SPECC1: variants seen among roughly 807,000 people sequenced by gnomAD.
SPECC1 encodes the protein cytospin-B.
In SPECC1, 62 loss-of-function variants were observed where a neutral mutation model predicts 104.1. The ratio of observed to expected loss-of-function variants is 0.60; its 90% CI spans 0.49 to 0.74. SPECC1 has a LOEUF of 0.74. Among genes scored for constraint, SPECC1 ranks in the 30% least tolerant of loss-of-function variants. The pLI, the probability that SPECC1 is intolerant of heterozygous loss-of-function variation, is 0.00. For synonymous variants in SPECC1, 513 were observed against 501.6 expected (o/e 1.02, Z -0.30); for missense variants, 1,306 against 1,310.5 (o/e 1.00, Z 0.05).
Position 20,205,329 on chromosome 17 carries a change from A to G in SPECC1, c.1280A>G (p.His427Arg). The change falls in exon 4 of 15, where the codon CAT becomes CGT. Residue 427 changes from histidine (H) to arginine (R), a missense_variant. By Grantham distance (29) the His-to-Arg change is conservative. Transcript: ENST00000395527. Reference sequence around the variant, plus strand: ...AAGACGATTTTAGAGACATCCTTTCATCAGCATCGAGAGAGGGCAGAGCAG... The same window carrying G: ...AAGACGATTTTAGAGACATCCTTTCGTCAGCATCGAGAGAGGGCAGAGCAG... ...DEKTILETSF[H>R]QHRERAEQLS... The G allele has an allele frequency of 1.2e-6, 2 of 1,614,256 alleles. No individual in the cohort carries two copies. The highest frequency in any genetic ancestry group is 1.7e-6 in the Non-Finnish European group (2 of 1,180,048).
chr17:20,131,418 A>G (rs969110715), intron 3 of SPECC1, among the ~76,000 whole-genome samples: 3 of 151,916 alleles, frequency 2.0e-5, no homozygotes, highest in Admixed American at 6.6e-5. Context: ...ACCTCAAGTG[A>G]TCCACCCACC....
chr17:20,227,294 A>G (rs1598030902), intron 4 of SPECC1, 119 bp from the exon 5 acceptor site: 1 of 797,872 alleles, frequency 1.3e-6, no homozygotes, highest in South Asian at 1.7e-5. Flanking sequence ...GAAGAGGTTC[A>G]TGTTCAGGTT....
chr17:20,178,775 A>G (rs2034653244), intron 3 of SPECC1, among the ~76,000 whole-genome samples: 3 of 152,258 alleles, frequency 2.0e-5, no homozygotes, highest in South Asian at 4.1e-4. Context: ...AAAGTAACAG[A>G]TGGAAAATAC....
At chr17:20,228,250 T>C (rs911724140) in intron 5 of SPECC1, among the ~76,000 whole-genome samples, 1 of 152,206 alleles carries the variant, frequency 6.6e-6, no homozygotes, top group African/African-American at 2.4e-5. Flanking sequence ...TGGAGTGCAG[T>C]GGTGCAGTTG....
intron 1 of SPECC1, among the ~76,000 whole-genome samples, chr17:20,053,932 G>A (rs758977064): frequency 1.3e-5 from 2 of 152,146 alleles, no homozygotes; most frequent in African/African-American, 4.8e-5. Context: ...CAATACACAC[G>A]GCAAACCTTC....
intron 7 of SPECC1, among the ~76,000 whole-genome samples, chr17:20,240,928 G>C (rs113431556): frequency 1.4e-4 from 21 of 152,294 alleles, no homozygotes; most frequent in African/African-American, 4.8e-4. Context: ...CCTTCACTTT[G>C]TATTATGAAC....
chr17:20,197,958 C>A (rs2036146706), intron 3 of SPECC1, among the ~76,000 whole-genome samples: 1 of 152,072 alleles, frequency 6.6e-6, no homozygotes, highest in Non-Finnish European at 1.5e-5. Flanking sequence ...CAACTGTTTG[C>A]ATAGAGAGTG....
intron 4 of SPECC1, among the ~76,000 whole-genome samples, chr17:20,206,605 C>A (rs892555827): frequency 2.0e-4 from 30 of 151,838 alleles, no homozygotes; most frequent in African/African-American, 7.0e-4. Context: ...TCATATTTAC[C>A]CTGTTGTTGA....
intron 7 of SPECC1, chr17:20,238,539 A>G: frequency 9.6e-7 from 1 of 1,042,318 alleles, no homozygotes; most frequent in Non-Finnish European, 1.2e-6. Context: ...AATGCTCTTT[A>G]AACTCAGGAA....
chr17:20,242,145 AATC>A (rs1380965317), intron 7 of SPECC1, among the ~76,000 whole-genome samples: 1 of 152,204 alleles, frequency 6.6e-6, no homozygotes, highest in African/African-American at 2.4e-5. Flanking sequence ...ATACTTTAAA[AATC>A]ATCATGTACA....
At chr17:20,257,986 A>G (rs552929890) in intron 11 of SPECC1, among the ~76,000 whole-genome samples, 3 of 152,158 alleles carry the variant, frequency 2.0e-5, no homozygotes, top group Non-Finnish European at 4.4e-5. Context: ...GCTTCCTGAG[A>G]GCCGGGACTC....
At chr17:20,312,139 A>C (rs1171610169) in intron 14 of SPECC1, among the ~76,000 whole-genome samples, 1 of 152,210 alleles carries the variant, frequency 6.6e-6, no homozygotes, top group African/African-American at 2.4e-5. Flanking sequence ...TGAGTTGGGA[A>C]TTATTCTCTC....
chr17:20,107,955 T>G (rs1358627729), intron 2 of SPECC1, among the ~76,000 whole-genome samples: 1 of 152,186 alleles, frequency 6.6e-6, no homozygotes, highest in Non-Finnish European at 1.5e-5. Context: ...TGAGCCATGT[T>G]TGAACTACTA....
intron 3 of SPECC1, among the ~76,000 whole-genome samples, chr17:20,192,162 G>A (rs1188015555): frequency 6.6e-6 from 1 of 151,804 alleles, no homozygotes; most frequent in Admixed American, 6.6e-5. Flanking sequence ...TGAGACAGGG[G>A]TCTCAAGGCT....
chr17:20,157,220 C>T (rs1038835781), intron 3 of SPECC1, among the ~76,000 whole-genome samples: 11 of 152,148 alleles, frequency 7.2e-5, no homozygotes, highest in Non-Finnish European at 1.2e-4. Context: ...AGCCGCCCCA[C>T]CTTGGCCCTA....
intron 3 of SPECC1, among the ~76,000 whole-genome samples, chr17:20,176,013 T>C (rs1336701383): frequency 2.0e-5 from 3 of 152,252 alleles, no homozygotes; most frequent in Non-Finnish European, 4.4e-5. Flanking sequence ...CCTTGGCTTA[T>C]GTAAATGCGC....
chr17:20,312,016 T>G (rs1238452448), intron 14 of SPECC1, among the ~76,000 whole-genome samples: 1 of 152,208 alleles, frequency 6.6e-6, no homozygotes, highest in East Asian at 1.9e-4. Flanking sequence ...TTGATCATGA[T>G]GTATTATACT....
chr17:20,161,373 A>G lies in SPECC1; in HGVS notation c.284-42960A>G, dbSNP rs147993126. ...TCTCAAGAGTCCCCCTCCTGCACTT[A>G]TTCCCAGTCTGCCTCTGGACCTTTC... On this transcript the variant is annotated intron_variant, in intron 3 of 14. Transcript: ENST00000395527. 5.9e-5 allele frequency among the ~76,000 whole-genome samples: 9 copies of G among 152,264 alleles called. 1 individual carries two copies. In the East Asian group the frequency reaches 1.5e-3, roughly 26 times the overall value.
intron 7 of SPECC1, among the ~76,000 whole-genome samples, chr17:20,243,926 TAAG>T (rs527943043): frequency 8.2e-4 from 124 of 152,144 alleles, no homozygotes; most frequent in African/African-American, 3.0e-3. Flanking sequence ...AATGGACTGG[TAAG>T]AAGGTGGCCA....
Sources: allele counts gnomAD v4.1 joint callset (sites outside exome capture counted in the v4.1 genomes callset), GRCh38; gene constraint gnomAD v4.1.1; transcripts MANE v1.5; gene names NCBI Gene and HGNC (gene_info 2026-07-23, HGNC 2026-07-21).